Variants in GAS7 observed in about 807,000 individuals in gnomAD.
GAS7 encodes growth arrest-specific protein 7.
Under a neutral mutation model 71.1 loss-of-function variants are expected in GAS7, and 28 were observed. The ratio of observed to expected loss-of-function variants is 0.39; its 90% CI spans 0.29 to 0.54. The LOEUF (loss-of-function observed/expected upper bound fraction) is 0.54. Ranked by LOEUF, GAS7 falls within the 20% of genes least tolerant of loss-of-function variation. The probability of loss-of-function intolerance (pLI) is 0.62; values close to 1 mark genes in which losing one functional copy is unlikely to be tolerated. For missense variants in GAS7, 436 were observed against 627.8 expected (o/e 0.69, Z 3.27); for synonymous variants, 258 against 245.8 (o/e 1.05, Z -0.46).
rs1049775443 is a variant in GAS7 at position 10,128,434 on chromosome 17, G to C, written c.183+69774C>G. 4.0e-5 allele frequency among the ~76,000 whole-genome samples: 6 copies of C among 150,202 alleles called. No homozygotes were observed. In the Admixed American group the frequency reaches 4.1e-4, roughly 10 times the overall value. The stretch of plus-strand genomic sequence containing the variant: ...ACCCACAGCCCGGGATTCCATACTT[G>C]ATACAATCAGTTCTGAGTATCAATC... On this transcript the variant is annotated intron_variant, in intron 1 of 13. Transcript: ENST00000432992.
intron 1 of GAS7, among the ~76,000 whole-genome samples, chr17:10,044,006 G>T (rs1353614680): frequency 6.6e-6 from 1 of 152,176 alleles, no homozygotes; most frequent in African/African-American, 2.4e-5. Context: ...GATGCCATAA[G>T]TTTACATCAT....
chr17:10,194,083 C>A (rs955078722), intron 1 of GAS7, among the ~76,000 whole-genome samples: 1 of 152,136 alleles, frequency 6.6e-6, no homozygotes, highest in African/African-American at 2.4e-5. Context: ...TTAACGGTGA[C>A]CCTCAGCAGC....
intron 2 of GAS7, among the ~76,000 whole-genome samples, chr17:10,000,802 G>A (rs7208463): frequency 0.24 from 35,806 of 152,046 alleles, 6,429 homozygotes; most frequent in African/African-American, 0.51. Flanking sequence ...AAGGCTTTGC[G>A]TCTGCTCTGT....
intron 2 of GAS7, among the ~76,000 whole-genome samples, chr17:10,015,116 C>G (rs2071939943): frequency 6.6e-6 from 1 of 151,664 alleles, no homozygotes; most frequent in African/African-American, 2.4e-5. Context: ...GATCGCACCA[C>G]TGCACTCCAG....
chr17:10,021,550 G>A (rs1259411932), intron 1 of GAS7, among the ~76,000 whole-genome samples: 1 of 152,214 alleles, frequency 6.6e-6, no homozygotes, highest in Non-Finnish European at 1.5e-5. Flanking sequence ...CTATGCCCTG[G>A]ACGCTCCATC....
At chr17:10,089,175 G>GAAAGA (rs1432038018) in intron 1 of GAS7, among the ~76,000 whole-genome samples, 5 of 151,906 alleles carry the variant, frequency 3.3e-5, no homozygotes, top group African/African-American at 7.3e-5. Flanking sequence ...AGAAAAAAAA[G>GAAAGA]AAAGAAAAGA....
At chr17:9,982,866 A>AAAGAAAGAAAGAAAGAAAGC (rs1173313108) in intron 2 of GAS7, among the ~76,000 whole-genome samples, 24 of 144,650 alleles carry the variant, frequency 1.7e-4, no homozygotes, top group African/African-American at 5.8e-4. Flanking sequence ...AGAAAGAAAG[A>AAAGAAAGAAAGAAAGAAAGC]AAGCAAAGAA....
At chr17:10,011,774 C>T (rs1236237890) in intron 2 of GAS7, among the ~76,000 whole-genome samples, 2 of 152,056 alleles carry the variant, frequency 1.3e-5, no homozygotes, top group South Asian at 2.1e-4. Context: ...GTCGGAAGTT[C>T]GAGACCAGCC....
At chr17:9,976,999 A>C (rs1322970396) in intron 3 of GAS7, among the ~76,000 whole-genome samples, 3 of 152,206 alleles carry the variant, frequency 2.0e-5, no homozygotes, top group African/African-American at 7.2e-5. Flanking sequence ...CAGAAAAAGG[A>C]CATGAATGGA....
chr17:10,010,615 T>C (rs1177545272), intron 2 of GAS7, among the ~76,000 whole-genome samples: 3 of 152,228 alleles, frequency 2.0e-5, no homozygotes, highest in Non-Finnish European at 2.9e-5. Flanking sequence ...GCAAATATTG[T>C]ATGTCAAAAA....
chr17:10,183,657 G>A (rs1012500709), intron 1 of GAS7, among the ~76,000 whole-genome samples: 6 of 152,152 alleles, frequency 3.9e-5, no homozygotes, highest in Non-Finnish European at 8.8e-5. Context: ...GGCTAACACG[G>A]TGAAACCCCG....
chr17:9,963,988 G>A (rs1753081592), intron 4 of GAS7, among the ~76,000 whole-genome samples: 1 of 152,082 alleles, frequency 6.6e-6, no homozygotes, highest in Non-Finnish European at 1.5e-5. Context: ...AACAAGATTG[G>A]ACAAAGGCAG....
At chr17:10,131,686 T>G (rs2073998400) in intron 1 of GAS7, among the ~76,000 whole-genome samples, 1 of 152,238 alleles carries the variant, frequency 6.6e-6, no homozygotes, top group African/African-American at 2.4e-5. Flanking sequence ...TATGAATACA[T>G]GTACTCATGA....
intron 2 of GAS7, among the ~76,000 whole-genome samples, chr17:10,006,983 T>A (rs759449216): frequency 6.6e-6 from 1 of 152,206 alleles, no homozygotes; most frequent in Non-Finnish European, 1.5e-5. Flanking sequence ...CCTTTAACCT[T>A]GGGGCTACGA....
At chr17:10,181,956 T>A (rs2142143931) in intron 1 of GAS7, among the ~76,000 whole-genome samples, 1 of 152,210 alleles carries the variant, frequency 6.6e-6, no homozygotes, top group African/African-American at 2.4e-5. Context: ...CCAGGACAGT[T>A]TACAAATGCC....
chr17:10,005,042 C>CATATATATAT (rs370673273), intron 2 of GAS7, among the ~76,000 whole-genome samples: 4 of 144,848 alleles, frequency 2.8e-5, no homozygotes, highest in East Asian at 2.1e-4. Context: ...TATATACATA[C>CATATATATAT]ATATATATAC....
At chr17:10,053,627 G>A (rs568967727) in intron 1 of GAS7, among the ~76,000 whole-genome samples, 1 of 152,188 alleles carries the variant, frequency 6.6e-6, no homozygotes, top group African/African-American at 2.4e-5. Context: ...TGGCATCTGT[G>A]GAGCCCACAG....
rs62065761 is a variant in GAS7 at position 9,981,255 on chromosome 17, C to T, written c.385+549G>A. 0.2 allele frequency among the ~76,000 whole-genome samples: 30,482 copies of T among 152,036 alleles called. 3,355 individuals are homozygous for T. The highest frequency in any genetic ancestry group is 0.3 in the Middle Eastern group (89 of 294). On this transcript the variant is annotated intron_variant, in intron 3 of 13. Transcript: ENST00000432992. The surrounding 1 kb of genome is among the most constrained non-coding windows in gnomAD (Gnocchi z 4.4). ...GCAGTGAGCCGAGACTGCACCACTG[C>T]ACTCCAGCCTGGGTGACAGAATGAG... is the stretch of plus-strand genomic sequence containing the variant.
intron 2 of GAS7, among the ~76,000 whole-genome samples, chr17:10,010,520 C>G (rs1015869754): frequency 6.6e-6 from 1 of 152,270 alleles, no homozygotes; most frequent in East Asian, 1.9e-4. Flanking sequence ...AATATTTTCA[C>G]TTTGTGAGCC....
Sources: gnomAD v4.1 joint callset for allele counts (sites outside exome capture counted in the v4.1 genomes callset) on GRCh38, gnomAD v4.1.1 for gene constraint, Gnocchi (gnomAD v3.1) non-coding constraint, MANE v1.5 for transcripts, NCBI Gene and HGNC (gene_info 2026-07-23, HGNC 2026-07-21) for gene names.